Variants in ABCC8 observed in about 807,000 individuals in gnomAD.
ABCC8 encodes the protein ATP-binding cassette sub-family C member 8.
Under a neutral mutation model 188.0 loss-of-function variants are expected in ABCC8, and 137 were observed. That is an observed-to-expected ratio of 0.73 (90% CI 0.63 to 0.84). ABCC8 has a LOEUF of 0.84. ABCC8 is among the 40% of genes least tolerant of loss of function. The pLI is 0.00. For missense variants in ABCC8, 1,750 were observed against 2,072.7 expected, an observed-to-expected ratio of 0.84 and a Z score of 3.02; for synonymous variants, 797 against 846.5, an observed-to-expected ratio of 0.94 and a Z score of 1.01.
intron 6 of ABCC8, among the ~76,000 whole-genome samples, chr11:17,455,467 C>G (rs1262222301): frequency 6.6e-6 from 1 of 152,192 alleles, no homozygotes; most frequent in East Asian, 1.9e-4. Context: ...GACTTCCTCT[C>G]TCCGCCCCCA....
At chr11:17,449,702 A>G (rs1487568967) in intron 7 of ABCC8, among the ~76,000 whole-genome samples, 3 of 152,184 alleles carry the variant, frequency 2.0e-5, no homozygotes, top group Admixed American at 1.3e-4. Flanking sequence ...AAATTCTATT[A>G]TTCATTCTGT....
At chr11:17,395,506 C>T in intron 35 of ABCC8, 104 bp downstream of exon 35, 1 of 1,492,888 alleles carries the variant, frequency 6.7e-7, no homozygotes, top group Non-Finnish European at 9.0e-7. Context: ...CAGGAAACAC[C>T]TCTGGGATCC....
At chr11:17,472,266 A>C (rs1178311425) in intron 2 of ABCC8, among the ~76,000 whole-genome samples, 1 of 152,222 alleles carries the variant, frequency 6.6e-6, no homozygotes, top group East Asian at 1.9e-4. Flanking sequence ...GAAATTAGGT[A>C]AAGTTTTATA....
intron 29 of ABCC8, among the ~76,000 whole-genome samples, chr11:17,401,592 G>A (rs1954246769): frequency 6.6e-6 from 1 of 152,184 alleles, no homozygotes; most frequent in Admixed American, 6.5e-5. Context: ...AGTGCTTGGT[G>A]TCTCATGGTT....
At chr11:17,462,199 C>T (rs1957219860) in intron 4 of ABCC8, among the ~76,000 whole-genome samples, 1 of 152,170 alleles carries the variant, frequency 6.6e-6, no homozygotes, top group African/African-American at 2.4e-5. Context: ...GTTTTGAATC[C>T]TGCCTCCTCC....
At chr11:17,462,502 A>T (rs1957229822) in intron 4 of ABCC8, among the ~76,000 whole-genome samples, 1 of 152,232 alleles carries the variant, frequency 6.6e-6, no homozygotes, top group Admixed American at 6.5e-5. Context: ...ACACTGATCA[A>T]AATTTAAAAT....
intron 37 of ABCC8, 82 bp downstream of exon 37, chr11:17,394,184 G>T: frequency 1.3e-6 from 2 of 1,539,008 alleles, no homozygotes; most frequent in East Asian, 4.5e-5. Context: ...TGAGCCTCAG[G>T]ACTACTTCGT....
At chr11:17,393,166 A>G (rs774559607) in intron 38 of ABCC8, 38 bp from the exon 39 acceptor site, 1 of 1,611,546 alleles carries the variant, frequency 6.2e-7, no homozygotes, top group Non-Finnish European at 8.5e-7. Flanking sequence ...GGATGGTGGG[A>G]ATACCACCCG....
chr11:17,395,331 C>T (rs739690), intron 35 of ABCC8, 56 bp from the exon 36 acceptor site: 1 of 1,551,612 alleles, frequency 6.4e-7, no homozygotes, highest in Admixed American at 2.0e-5. Context: ...GCCTGCATCC[C>T]CAGGCGGCAA....
At chr11:17,432,949 G>A (rs769638186) in intron 10 of ABCC8, among the ~76,000 whole-genome samples, 12 of 152,130 alleles carry the variant, frequency 7.9e-5, no homozygotes, top group Admixed American at 2.6e-4. Flanking sequence ...TACCTTCCCC[G>A]TGCCTCAGTT....
intron 16 of ABCC8, among the ~76,000 whole-genome samples, chr11:17,420,127 A>T (rs1233734314): frequency 2.0e-5 from 3 of 152,170 alleles, no homozygotes; most frequent in Non-Finnish European, 4.4e-5. Flanking sequence ...AAGAAGTGGA[A>T]ACTGAGGTTC....
intron 33 of ABCC8, 198 bp downstream of exon 33, chr11:17,396,718 G>A: frequency 1.5e-6 from 1 of 666,944 alleles, no homozygotes; most frequent in East Asian, 2.8e-5. Flanking sequence ...AGGCCTGAGG[G>A]CAGCACTGGG....
Position 17,413,486 on chromosome 11 carries a change from G to T in ABCC8, c.2391-8C>A, listed in dbSNP as rs1409319401. 3 of 1,613,528 alleles carry T rather than the reference G, an allele frequency of 1.9e-6. No homozygotes were observed. The highest frequency in any genetic ancestry group is 2.5e-6 in the Non-Finnish European group (3 of 1,180,030). On this transcript the variant is annotated splice_region_variant and splice_polypyrimidine_tract_variant and intron_variant, in intron 19 of 38. Transcript: ENST00000389817. ...TCAATGACCATCTTGTACCTGGCGT[G>T]GGTAGAGGCAGGGGATGCAGCTGGT...
At chr11:17,396,785 G>A in intron 33 of ABCC8, 131 bp downstream of exon 33, 1 of 1,181,812 alleles carries the variant, frequency 8.5e-7, no homozygotes, top group Non-Finnish European at 1.2e-6. Context: ...GCAGGAGACT[G>A]CGATGTCTGA....
chr11:17,456,421 C>T (rs149429346), intron 6 of ABCC8, among the ~76,000 whole-genome samples: 20 of 152,262 alleles, frequency 1.3e-4, no homozygotes, highest in African/African-American at 4.1e-4. Context: ...TTTGGAGCCC[C>T]ATTGTCTCTG....
chr11:17,410,324 GTGA>G, intron 22 of ABCC8, 189 bp downstream of exon 22: 1 of 638,916 alleles, frequency 1.6e-6, no homozygotes, highest in Non-Finnish European at 2.7e-6. Context: ...GTGGGTCTAG[GTGA>G]TACCAAACCC....
intron 23 of ABCC8, among the ~76,000 whole-genome samples, chr11:17,407,712 C>T (rs1954612012): frequency 6.6e-6 from 1 of 152,212 alleles, no homozygotes; most frequent in African/African-American, 2.4e-5. Flanking sequence ...GGATCTGGCT[C>T]CCAAAGTGGC....
At chr11:17,396,613 C>T (rs1953941024) in intron 33 of ABCC8, 1 of 437,274 alleles carries the variant, frequency 2.3e-6, no homozygotes, top group Non-Finnish European at 4.2e-6. Context: ...TAGGGAAAGC[C>T]CCTGACCATT....
chr11:17,475,125 T>A, intron 1 of ABCC8, 98 bp from the exon 2 acceptor site: 2 of 1,541,294 alleles, frequency 1.3e-6, no homozygotes, highest in South Asian at 2.3e-5. Flanking sequence ...GGGTCCATGG[T>A]GAGGGTGACA....
Sources: allele counts gnomAD v4.1 joint callset (sites outside exome capture counted in the v4.1 genomes callset), GRCh38; gene constraint gnomAD v4.1.1; transcripts MANE v1.5; gene names NCBI Gene and HGNC (gene_info 2026-07-23, HGNC 2026-07-21).